The following STIM1 variants were observed in gnomAD, a reference collection of about 807,000 sequenced individuals.
STIM1 encodes stromal interaction molecule 1.
Under a neutral mutation model 74.7 loss-of-function variants are expected in STIM1, and 25 were observed. The observed-to-expected ratio is 0.33, with a 90% confidence interval of 0.24 to 0.47. STIM1 has a LOEUF of 0.47. Ranked by LOEUF, STIM1 falls within the 20% of genes least tolerant of loss-of-function variation. The pLI, the probability that STIM1 is intolerant of heterozygous loss-of-function variation, is 1.00. For missense variants in STIM1, 728 were observed against 920.8 expected (o/e 0.79, Z 2.71); for synonymous variants, 328 against 348.8 (o/e 0.94, Z 0.66).
At chr11:3,910,505 A>G (rs2092543854) in intron 1 of STIM1, among the ~76,000 whole-genome samples, 1 of 152,088 alleles carries the variant, frequency 6.6e-6, no homozygotes, top group Non-Finnish European at 1.5e-5. Flanking sequence ...AGGTGGGAAG[A>G]TTGCTTGAGT....
intron 7 of STIM1, among the ~76,000 whole-genome samples, chr11:4,076,189 T>A (rs1160045127): frequency 2.6e-5 from 4 of 152,098 alleles, no homozygotes; most frequent in African/African-American, 7.2e-5. Context: ...ATCAGTTTTT[T>A]AAAATGATTG....
chr11:4,086,477 C>A lies in STIM1; in HGVS notation c.1568C>A (p.Ala523Asp). The A allele has an allele frequency of 6.2e-7, 1 of 1,614,008 alleles. No individual in the cohort carries two copies. The highest frequency in any genetic ancestry group is 8.5e-7 in the Non-Finnish European group (1 of 1,179,994). The change falls in exon 12 of 13, where the codon GCC (alanine) becomes GAC (aspartate). Residue 523 changes from alanine to aspartate, a missense_variant and splice_region_variant. Coordinates refer to ENST00000526596, the MANE Select transcript of STIM1 (RefSeq NM_001382567.1). ...GACACTTTCTTTATTCTCCTTGCAG[C>A]CCCTAGCCTGCAGAGCAGTGTTCGG... ...SDDQSLWKYP[A>D]PSLQSSVRQR...
Position 3,992,637 on chromosome 11 carries a change from A to G in STIM1, c.270+24955A>G, listed in dbSNP as rs574879398. ...AATTTTGATGAAGTCCAGTTTATTTATTTTTTTGCTGTTGTTTCTGCTCAT... is the reference window on the plus strand; with the variant it reads ...AATTTTGATGAAGTCCAGTTTATTTGTTTTTTTGCTGTTGTTTCTGCTCAT... On this transcript the variant is annotated intron_variant, in intron 2 of 12. Transcript: ENST00000526596. Among the ~76,000 whole-genome samples the G allele has an allele frequency of 3.9e-5, 6 of 152,026 alleles. No individual in the cohort carries two copies. The East Asian group carries it at 1.2e-3, about 29-fold the overall frequency.
chr11:4,074,553 T>C lies in STIM1; in HGVS notation c.843T>C (p.His281=), dbSNP rs760049621. Residue 281 remains histidine (H), a synonymous_variant, in exon 7 of 13, where the codon CAT becomes CAC. Transcript: ENST00000526596. ...GCACAGTGGAGGTGGAGAAGGTCCA[T>C]CTGGAAAAGAAGCTGCGCGATGAGA... ...EHRTVEVEKV[H]LEKKLRDEIN... 4.3e-6 allele frequency: 7 copies of C among 1,614,038 alleles called. No individual in the cohort carries two copies. Among genetic ancestry groups the C allele is most frequent in the Non-Finnish European group, 5.9e-6 (7 of 1,180,002 alleles).
intron 5 of STIM1, among the ~76,000 whole-genome samples, chr11:4,066,714 A>G (rs374449962): frequency 6.6e-6 from 1 of 152,262 alleles, no homozygotes; most frequent in East Asian, 1.9e-4. Flanking sequence ...AACACACAAG[A>G]CAGTCCCTGA....
At chr11:3,907,948 G>C (rs1246141872) in intron 1 of STIM1, among the ~76,000 whole-genome samples, 1 of 152,128 alleles carries the variant, frequency 6.6e-6, no homozygotes, top group African/African-American at 2.4e-5. Context: ...ACTCAGTGAG[G>C]CCTTATCCAA....
intron 4 of STIM1, among the ~76,000 whole-genome samples, chr11:4,058,460 A>G (rs1377689994): frequency 3.3e-5 from 5 of 152,232 alleles, no homozygotes; most frequent in Non-Finnish European, 7.3e-5. Flanking sequence ...AAAGCTATGC[A>G]TCAGAAAAGA....
intron 1 of STIM1, among the ~76,000 whole-genome samples, chr11:3,902,412 A>G (rs182670356): frequency 4.9e-4 from 75 of 152,294 alleles, no homozygotes; most frequent in African/African-American, 1.8e-3. Flanking sequence ...GTTTCATGCA[A>G]GATAATTTTT....
chr11:3,956,874 T>A (rs1302428325), intron 1 of STIM1, among the ~76,000 whole-genome samples: 4 of 146,362 alleles, frequency 2.7e-5, no homozygotes, highest in African/African-American at 9.9e-5. Context: ...AAACCTACCT[T>A]GCAAATTAGG....
intron 2 of STIM1, among the ~76,000 whole-genome samples, chr11:4,006,484 G>A (rs562107103): frequency 2.6e-5 from 4 of 152,032 alleles, no homozygotes; most frequent in Admixed American, 6.6e-5. Context: ...GCACAATCTC[G>A]GCTCCCTGCA....
At chr11:3,919,275 G>T (rs1402664197) in intron 1 of STIM1, among the ~76,000 whole-genome samples, 1 of 152,124 alleles carries the variant, frequency 6.6e-6, no homozygotes, top group Non-Finnish European at 1.5e-5. Flanking sequence ...GTGCGATCTC[G>T]GCTTACTGCA....
intron 1 of STIM1, among the ~76,000 whole-genome samples, chr11:3,935,569 A>G (rs180750243): frequency 1.6e-4 from 25 of 152,378 alleles, no homozygotes; most frequent in Non-Finnish European, 2.6e-4. Context: ...GGAAAACTGC[A>G]TGGTCTAAGC....
At chr11:4,075,048 G>A (rs1161088508) in intron 7 of STIM1, among the ~76,000 whole-genome samples, 2 of 152,148 alleles carry the variant, frequency 1.3e-5, no homozygotes, top group Non-Finnish European at 2.9e-5. Flanking sequence ...GGCTGAGGCA[G>A]GAGAATTGCC....
At chr11:3,946,221 G>T (rs947483333) in intron 1 of STIM1, among the ~76,000 whole-genome samples, 4 of 152,196 alleles carry the variant, frequency 2.6e-5, no homozygotes, top group Non-Finnish European at 2.9e-5. Flanking sequence ...TTATGATCAT[G>T]AGCAAGAGAC....
At position 3,900,220 on chromosome 11, in the gene STIM1, G is replaced by A. The variant is rs59913181; in HGVS notation, c.139+43811G>A. ...GCTAGCAATCAGCAAGACTCCCTGGGCGTATGACCCTCCGAGCCAGGTGCG... is the reference window on the plus strand; with the variant it reads ...GCTAGCAATCAGCAAGACTCCCTGGACGTATGACCCTCCGAGCCAGGTGCG... On this transcript the variant is annotated intron_variant, in intron 1 of 12. Transcript: ENST00000526596. Among the ~76,000 whole-genome samples, 1,304 of 152,264 alleles carry A rather than the reference G, an allele frequency of 8.6e-3. 15 individuals are homozygous for A. The highest frequency in any genetic ancestry group is 0.03 in the African/African-American group (1,255 of 41,528).
intron 3 of STIM1, among the ~76,000 whole-genome samples, chr11:4,039,867 A>G (rs1176079704): frequency 6.6e-6 from 1 of 152,060 alleles, no homozygotes; most frequent in East Asian, 1.9e-4. Flanking sequence ...TCCCAGGTTC[A>G]AGTGATTCTC....
At chr11:4,004,937 C>T (rs1482798457) in intron 2 of STIM1, among the ~76,000 whole-genome samples, 1 of 152,198 alleles carries the variant, frequency 6.6e-6, no homozygotes, top group Non-Finnish European at 1.5e-5. Context: ...TGAACAGACA[C>T]TTCTCAAAAG....
rs567274503 is a variant in STIM1, at chr11:3,980,610, T to C, written c.270+12928T>C. ...GCAACATAACAAGACCCCATCTCTT[T>C]AAAAAAAAAAAAAAAAAACCCACAC... On this transcript the variant is annotated intron_variant, in intron 2 of 12. Transcript: ENST00000526596. Among the ~76,000 whole-genome samples the C allele has an allele frequency of 3.2e-5, 4 of 126,466 alleles. No individual in the cohort carries two copies. In the South Asian group the frequency reaches 7.6e-4, roughly 24 times the overall value. The allele number at this position is 126,466 out of a possible 152,430, so 83.0% of individuals were successfully genotyped here.
intron 3 of STIM1, among the ~76,000 whole-genome samples, chr11:4,030,312 G>C (rs900968141): frequency 7.2e-6 from 1 of 139,824 alleles, no homozygotes; most frequent in African/African-American, 2.8e-5. Context: ...GGGTGAAAGA[G>C]TGAAACTCCA....
Sources: allele counts gnomAD v4.1 joint callset (sites outside exome capture counted in the v4.1 genomes callset), GRCh38; gene constraint gnomAD v4.1.1; transcripts MANE v1.5; gene names NCBI Gene and HGNC (gene_info 2026-07-23, HGNC 2026-07-21).